FASN: variants seen among roughly 807,000 people sequenced by gnomAD.
FASN encodes the protein fatty acid synthase, also known as 3-hydroxyacyl-[acyl-carrier-protein] dehydratase.
Under a neutral mutation model 250.0 loss-of-function variants are expected in FASN, and 50 were observed. The ratio of observed to expected loss-of-function variants is 0.20; its 90% CI spans 0.16 to 0.25. The LOEUF (loss-of-function observed/expected upper bound fraction) is 0.25. Among genes scored for constraint, FASN ranks in the 10% least tolerant of loss-of-function variants. FASN has a pLI of 1.00. For synonymous variants in FASN, 1,909 were observed against 1,584.0 expected, an observed-to-expected ratio of 1.21 and a Z score of -4.87; for missense variants, 3,031 against 3,498.5, an observed-to-expected ratio of 0.87 and a Z score of 3.37.
chr17:82,080,828 G>C lies in FASN; in HGVS notation c.6690C>G (p.Thr2230=). 1 of 1,610,494 alleles carries C rather than the reference G, an allele frequency of 6.2e-7. No homozygotes were observed. Among genetic ancestry groups the C allele is most frequent in the Non-Finnish European group, 8.5e-7 (1 of 1,179,274 alleles). ...TCTGCACGGAGTTGAGCCGCATCAG[G>C]GTGGGGCCCTCCGGGTTCACCAGCA... is the stretch of plus-strand genomic sequence containing the variant. ...RSLLVNPEGP[T]LMRLNSVQSS... The change falls in exon 39 of 43, where the codon ACC becomes ACG. Residue 2230 remains threonine, a synonymous_variant. Coordinates refer to ENST00000306749, the MANE Select transcript of FASN (RefSeq NM_004104.5).
intron 34 of FASN, 53 bp downstream of exon 34, chr17:82,082,474 T>C (rs534187836): frequency 1.2e-6 from 2 of 1,610,936 alleles, no homozygotes; most frequent in South Asian, 1.1e-5. Flanking sequence ...CCACCCAGGG[T>C]CCCCCCCTTG....
At chr17:82,087,571 C>G (rs922306690) in intron 19 of FASN, 67 bp from the exon 20 acceptor site, 1 of 1,602,412 alleles carries the variant, frequency 6.2e-7, no homozygotes, top group Admixed American at 1.7e-5. Context: ...CAGAGCCCAC[C>G]GGGCCCCTCT....
intron 10 of FASN, 71 bp downstream of exon 10, chr17:82,090,811 G>T: frequency 2.0e-6 from 3 of 1,516,352 alleles, no homozygotes; most frequent in Non-Finnish European, 2.7e-6. Flanking sequence ...CAACACTGCA[G>T]CTCCTGGGCT....
intron 10 of FASN, 108 bp from the exon 11 acceptor site, chr17:82,090,672 C>A: frequency 8.7e-7 from 1 of 1,146,598 alleles, no homozygotes; most frequent in Non-Finnish European, 1.3e-6. Context: ...CATCGACCCT[C>A]CCAGGTCTCC....
intron 19 of FASN, 40 bp downstream of exon 19, chr17:82,087,645 C>T: frequency 6.2e-7 from 1 of 1,607,578 alleles, no homozygotes; most frequent in East Asian, 2.2e-5. Flanking sequence ...TGACGACCGC[C>T]CTCCCCGGTG....
intron 10 of FASN, 66 bp from the exon 11 acceptor site, chr17:82,090,630 G>A (rs1407180015): frequency 9.9e-6 from 14 of 1,415,170 alleles, no homozygotes; most frequent in South Asian, 7.2e-5. Context: ...GGCGGCCCCC[G>A]GCCCCACTAG....
rs541152873 is a variant in FASN, at chr17:82,080,625, G to C, written c.6827-35C>G. The C allele has an allele frequency of 9.0e-6, 14 of 1,551,638 alleles. No homozygotes were observed. In the African/African-American group the frequency reaches 1.4e-4, roughly 15 times the overall value. On this transcript the variant is annotated intron_variant, in intron 39 of 42. Transcript: ENST00000306749. The stretch of plus-strand genomic sequence containing the variant: ...CAGTGCCGGGCACTCAGCATGTGCA[G>C]GCGGCAGCCACGGGCCCCGTGATGG...
Position 82,085,491 on chromosome 17 carries a change from G to C in FASN, c.4113C>G (p.Ile1371Met). Residue 1371 changes from isoleucine to methionine, a missense_variant, in exon 23 of 43, where the codon ATC becomes ATG. Physicochemically the swap from Ile to Met is conservative, Grantham distance 10. Coordinates refer to ENST00000306749, the MANE Select transcript of FASN (RefSeq NM_004104.5). ...TSTEPQYGQG[I>M]LSQDAWESLF... ...TGCCCGGCGGCCGCACCTGGCTCAG[G>C]ATGCCCTGGCCATACTGCGGCTCAG... 1.3e-6 allele frequency: 2 copies of C among 1,592,908 alleles called. No homozygotes were observed. The highest frequency in any genetic ancestry group is 1.3e-5 in the African/African-American group (1 of 74,662).
In FASN at chr17:82,083,976, C is replaced by T; in HGVS notation, c.5097G>A (p.Val1699=). The T allele has an allele frequency of 6.5e-7, 1 of 1,541,128 alleles. No individual in the cohort carries two copies. ...GAGGCACCGGGGGCGGGGCCTTACCCACGGTGGTGAAGACGCGGCAGCCCA... is the reference window on the plus strand; with the variant it reads ...GAGGCACCGGGGGCGGGGCCTTACCTACGGTGGTGAAGACGCGGCAGCCCA... The part of the protein sequence containing the change: ...LSLGCRVFTT[V]GSAEKRAYLQ... Residue 1699 remains valine, a splice_region_variant and synonymous_variant, in exon 29 of 43, where the codon GTG becomes GTA. Coordinates refer to ENST00000306749, the MANE Select transcript of FASN (RefSeq NM_004104.5).
chr17:82,090,406 G>A lies in FASN; in HGVS notation c.1839C>T (p.Ala613=), dbSNP rs758512331. ...CTGCCATGGCGCCCGGCGGGAGATG[G>A]GCTTCTTTGATGCACTGTCCCCTCC... is the stretch of plus-strand genomic sequence containing the variant. The part of the protein sequence containing the change: ...AYWRGQCIKE[A]HLPPGAMAAV... The change falls in exon 11 of 43, where the codon GCC becomes GCT. Residue 613 remains alanine, a synonymous_variant. Transcript: ENST00000306749. The A allele has an allele frequency of 1.9e-6, 3 of 1,598,774 alleles. No homozygotes were observed. In the African/African-American group the frequency reaches 4.0e-5, roughly 21 times the overall value.
In FASN at chr17:82,081,578, C is replaced by T. The variant is rs373220728; in HGVS notation, c.6406+23G>A. 1.6e-4 allele frequency: 265 copies of T among 1,610,950 alleles called. 1 individual carries two copies. The highest frequency in any genetic ancestry group is 2.1e-4 in the Non-Finnish European group (244 of 1,179,970). On this transcript the variant is annotated intron_variant, in intron 37 of 42. Coordinates refer to ENST00000306749, the MANE Select transcript of FASN (RefSeq NM_004104.5). ...ATGCCAGCAGGGGAAACACCTGGCGCGGCTCCTACTGGGAGTGCTCACCCA... is the reference window on the plus strand; with the variant it reads ...ATGCCAGCAGGGGAAACACCTGGCGTGGCTCCTACTGGGAGTGCTCACCCA...
chr17:82,095,618 C>T (rs1204111538), intron 2 of FASN, 146 bp from the exon 3 acceptor site: 1 of 1,005,420 alleles, frequency 9.9e-7, no homozygotes, highest in South Asian at 1.4e-5. Context: ...GAGCAGGCTC[C>T]CCAGGAGGGG....
At chr17:82,091,852 C>G (rs2034215915) in intron 8 of FASN, among the ~76,000 whole-genome samples, 168 bp from the exon 9 acceptor site, 1 of 152,182 alleles carries the variant, frequency 6.6e-6, no homozygotes, top group East Asian at 1.9e-4. Context: ...GGTCCGAGGA[C>G]TGAGCCGCCA....
intron 1 of FASN, among the ~76,000 whole-genome samples, chr17:82,097,856 T>TCC (rs1338059158): frequency 6.6e-6 from 1 of 151,764 alleles, no homozygotes; most frequent in Admixed American, 6.6e-5. Flanking sequence ...GTCCGCGGCC[T>TCC]CCCCCACGGG....
rs1808792959 is a variant in FASN, at chr17:82,084,324, C to T, written c.4829G>A (p.Gly1610Asp). Residue 1610 changes from glycine to aspartate, a missense_variant, in exon 28 of 43, where the codon GGC (glycine) becomes GAC (aspartate). Physicochemically the swap from Gly to Asp is moderately conservative, Grantham distance 94. Coordinates refer to ENST00000306749, the MANE Select transcript of FASN (RefSeq NM_004104.5). ...GMEFSGRDASGKRVMGLVPAK... is the reference protein window; with the variant it reads ...GMEFSGRDASDKRVMGLVPAK... Reference sequence around the variant, plus strand: ...AGGCACCAGTCCCATCACACGCTTGCCGCTGGCGTCTCGGCCCGAGAACTC... The same window carrying T: ...AGGCACCAGTCCCATCACACGCTTGTCGCTGGCGTCTCGGCCCGAGAACTC... 2 of 1,609,628 alleles carry T rather than the reference C, an allele frequency of 1.2e-6. No individual in the cohort carries two copies. Among genetic ancestry groups the T allele is most frequent in the South Asian group, 1.1e-5 (1 of 90,480 alleles).
rs148875661 is a variant in FASN, at chr17:82,092,433, C to A, written c.1029+22G>T. On this transcript the variant is annotated intron_variant, in intron 8 of 42. Coordinates refer to ENST00000306749, the MANE Select transcript of FASN (RefSeq NM_004104.5). ...CCCAGGGAGCAGGAGCCTGAGGGAC[C>A]CCCAAGCCCAGCCCCACCTACCTTG... 9,347 of 1,556,610 alleles carry A rather than the reference C, an allele frequency of 6.0e-3. 40 individuals carry two copies. Among genetic ancestry groups the A allele is most frequent in the Non-Finnish European group, 7.2e-3 (8,296 of 1,153,854 alleles).
At chr17:82,094,774 TG>T (rs2034275425) in intron 3 of FASN, among the ~76,000 whole-genome samples, 1 of 150,886 alleles carries the variant, frequency 6.6e-6, no homozygotes, top group Non-Finnish European at 1.5e-5. Context: ...GGTGACAGAG[TG>T]AGACTCCGTC....
chr17:82,092,510 G>A lies in FASN; in HGVS notation c.974C>T (p.Thr325Ile). ...CTCCGGGTGCCCCATGTTGGACTTG[G>A]TGGAGCCGATGAGCAGCGGCTCCTG... ...TRQEPLLIGS[T>I]KSNMGHPEPA... Residue 325 changes from threonine to isoleucine, a missense_variant, in exon 8 of 43, where the codon ACC (threonine) becomes ATC (isoleucine). Coordinates refer to ENST00000306749, the MANE Select transcript of FASN (RefSeq NM_004104.5). 1.2e-6 allele frequency: 2 copies of A among 1,602,196 alleles called. No individual in the cohort carries two copies. Among genetic ancestry groups the A allele is most frequent in the Non-Finnish European group, 1.7e-6 (2 of 1,176,780 alleles).
chr17:82,084,580 G>A lies in FASN; in HGVS notation c.4701C>T (p.Tyr1567=). Residue 1567 remains tyrosine (Y), a synonymous_variant, in exon 27 of 43, where the codon TAC becomes TAT. Coordinates refer to ENST00000306749, the MANE Select transcript of FASN (RefSeq NM_004104.5). ...TCPGAQLCTV[Y]YASLNFRDIM... The stretch of plus-strand genomic sequence containing the variant: ...TGTCGCGGAAGTTGAGGGAGGCGTA[G>A]TAGACCGTGCAGAGCTGGGCGCCAG... The A allele has an allele frequency of 6.2e-7, 1 of 1,611,368 alleles. No individual in the cohort carries two copies. The highest frequency in any genetic ancestry group is 8.5e-7 in the Non-Finnish European group (1 of 1,179,420).
Sources: allele counts gnomAD v4.1 joint callset (sites outside exome capture counted in the v4.1 genomes callset), GRCh38; gene constraint gnomAD v4.1.1; transcripts MANE v1.5; gene names NCBI Gene and HGNC (gene_info 2026-07-23, HGNC 2026-07-21).